The following ANK3 variants were observed in gnomAD, a reference collection of about 807,000 sequenced individuals.
The protein encoded by ANK3 is ankyrin-3.
A neutral mutation model predicts 370.9 loss-of-function variants in ANK3; 57 were observed. The observed-to-expected ratio is 0.15, with a 90% CI of 0.12 to 0.19. The LOEUF (loss-of-function observed/expected upper bound fraction) is 0.19. Among genes scored for constraint, ANK3 ranks in the 10% least tolerant of loss-of-function variants. ANK3 has a pLI of 1.00. For missense variants in ANK3, 4,439 were observed against 5,302.1 expected (o/e 0.84, Z 5.06); for synonymous variants, 1,929 against 1,946.3 (o/e 0.99, Z 0.23).
chr10:60,558,515 G>C (rs1369777381), intron 2 of ANK3, among the ~76,000 whole-genome samples: 3 of 152,140 alleles, frequency 2.0e-5, no homozygotes. Context: ...CCAAGACTTT[G>C]AACCGCTCAG....
intron 4 of ANK3, among the ~76,000 whole-genome samples, chr10:60,272,242 T>C (rs961308156): frequency 5.9e-5 from 9 of 152,012 alleles, no homozygotes; most frequent in African/African-American, 2.2e-4. Context: ...TATTTTCTCA[T>C]TTTCTAATTG....
intron 2 of ANK3, among the ~76,000 whole-genome samples, chr10:60,589,615 G>A (rs1342370779): frequency 6.6e-6 from 1 of 152,122 alleles, no homozygotes; most frequent in African/African-American, 2.4e-5. Context: ...AGAAGAGAGC[G>A]CCTTAATCTC....
At chr10:60,087,567 C>T (rs1472518125) in intron 29 of ANK3, among the ~76,000 whole-genome samples, 1 of 152,174 alleles carries the variant, frequency 6.6e-6, no homozygotes, top group African/African-American at 2.4e-5. Flanking sequence ...ACAAGAAGAA[C>T]ATGAACCTTC....
chr10:60,723,646 A>G (rs2079896250), intron 1 of ANK3, among the ~76,000 whole-genome samples: 1 of 152,174 alleles, frequency 6.6e-6, no homozygotes, highest in Non-Finnish European at 1.5e-5. Flanking sequence ...ATGGGTAGAC[A>G]CTCAAAGGCT....
chr10:60,724,067 A>G lies in ANK3; in HGVS notation c.57+9196T>C, dbSNP rs7097823. Among the ~76,000 whole-genome samples, 157 of 107,314 alleles carry G rather than the reference A, an allele frequency of 1.5e-3. 8 individuals carry two copies. The highest frequency in any genetic ancestry group is 4.5e-3 in the Middle Eastern group (1 of 224). 70.4% of individuals were successfully genotyped at this position (107,314 alleles called of 152,430 possible). A position where few individuals can be genotyped will look rare whatever the true frequency, so the allele number is the denominator to read the frequency against. On this transcript the variant is annotated intron_variant, in intron 1 of 43. Transcript: ENST00000373827. ...CTACTAAAAATACAAAAAATTAGCC[A>G]GGTGTGGTGGCGGGCGCCTGTAGTC... is the stretch of plus-strand genomic sequence containing the variant.
intron 2 of ANK3, among the ~76,000 whole-genome samples, chr10:60,454,810 T>C (rs1020862138): frequency 6.6e-6 from 1 of 152,122 alleles, no homozygotes; most frequent in African/African-American, 2.4e-5. Flanking sequence ...CTGGAAAAAT[T>C]CAGTCACAAA....
intron 28 of ANK3, among the ~76,000 whole-genome samples, chr10:60,088,829 ATAT>A (rs2087388590): frequency 6.6e-6 from 1 of 152,236 alleles, no homozygotes; most frequent in Non-Finnish European, 1.5e-5. Context: ...TTTTGCAAAA[ATAT>A]TATAAAACTA....
chr10:60,265,032 T>C (rs2097857462), intron 5 of ANK3, among the ~76,000 whole-genome samples: 1 of 152,178 alleles, frequency 6.6e-6, no homozygotes, highest in Non-Finnish European at 1.5e-5. Context: ...ACAAGTGATA[T>C]TATGACTTAT....
chr10:60,080,965 G>C (rs1223723030), intron 35 of ANK3, among the ~76,000 whole-genome samples: 1 of 152,210 alleles, frequency 6.6e-6, no homozygotes, highest in African/African-American at 2.4e-5. Flanking sequence ...AAGGGAGAAA[G>C]GCACACAAAG....
intron 2 of ANK3, among the ~76,000 whole-genome samples, chr10:60,484,400 A>G (rs548648716): frequency 5.3e-5 from 8 of 152,318 alleles, no homozygotes; most frequent in South Asian, 4.1e-4. Flanking sequence ...ATATCAAAGG[A>G]TTATTTTTTA....
intron 2 of ANK3, among the ~76,000 whole-genome samples, chr10:60,498,582 A>C (rs989873332): frequency 6.6e-6 from 1 of 152,066 alleles, no homozygotes; most frequent in Admixed American, 6.6e-5. Context: ...GTAGCGACAC[A>C]GTCTCACTCT....
At chr10:60,569,453 C>T (rs1187625274) in intron 2 of ANK3, among the ~76,000 whole-genome samples, 5 of 152,114 alleles carry the variant, frequency 3.3e-5, no homozygotes, top group Non-Finnish European at 7.4e-5. Context: ...CAGGTCTCTT[C>T]AAGCAAATCC....
At chr10:60,150,644 CTGTT>C (rs1419319894) in intron 23 of ANK3, among the ~76,000 whole-genome samples, 3 of 152,070 alleles carry the variant, frequency 2.0e-5, no homozygotes, top group African/African-American at 4.8e-5. Flanking sequence ...AGTACTCACT[CTGTT>C]TGTCCACACA....
chr10:60,194,718 A>G (rs4310561), intron 16 of ANK3, among the ~76,000 whole-genome samples: 106,258 of 152,058 alleles, frequency 0.7, 37,479 homozygotes, highest in African/African-American at 0.8. Flanking sequence ...CTTTTTTTAA[A>G]TTAAAGTTTT....
intron 1 of ANK3, among the ~76,000 whole-genome samples, chr10:60,349,162 T>A (rs908282309): frequency 2.6e-5 from 4 of 152,210 alleles, no homozygotes; most frequent in Non-Finnish European, 4.4e-5. Flanking sequence ...ACATTTTTGC[T>A]GCAAACTGTT....
At chr10:60,709,212 C>T (rs1011601231) in intron 1 of ANK3, among the ~76,000 whole-genome samples, 6 of 152,108 alleles carry the variant, frequency 3.9e-5, no homozygotes, top group African/African-American at 7.2e-5. Context: ...AAGTTTTAAG[C>T]AAGAGTGATG....
At chr10:60,395,440 G>T (rs2063197634) in intron 2 of ANK3, among the ~76,000 whole-genome samples, 1 of 152,126 alleles carries the variant, frequency 6.6e-6, no homozygotes, top group Admixed American at 6.6e-5. Flanking sequence ...TCTACATAAA[G>T]AACTTACACA....
At chr10:60,676,464 T>G (rs149796424) in intron 1 of ANK3, among the ~76,000 whole-genome samples, 1 of 152,320 alleles carries the variant, frequency 6.6e-6, no homozygotes, top group African/African-American at 2.4e-5. Context: ...CAGTAACCTG[T>G]TGTCATGACA....
chr10:60,245,883 G>A (rs1385067531), intron 7 of ANK3, among the ~76,000 whole-genome samples: 1 of 152,106 alleles, frequency 6.6e-6, no homozygotes, highest in Non-Finnish European at 1.5e-5. Flanking sequence ...TTAAAAATTT[G>A]ACTTAGATGA....
Sources: gnomAD v4.1 joint callset for allele counts (sites outside exome capture counted in the v4.1 genomes callset) on GRCh38, gnomAD v4.1.1 for gene constraint, MANE v1.5 for transcripts, NCBI Gene and HGNC (gene_info 2026-07-23, HGNC 2026-07-21) for gene names.